TRAPPC12: variants seen among roughly 807,000 people sequenced by gnomAD.
The protein encoded by TRAPPC12 is trafficking protein particle complex subunit 12, also known as TPR repeat protein 15.
A neutral mutation model predicts 69.2 loss-of-function variants in TRAPPC12; 61 were observed. That is an observed-to-expected ratio of 0.88 (90% CI 0.72 to 1.09). The LOEUF (loss-of-function observed/expected upper bound fraction) is 1.09, where lower values mean the gene tolerates loss of function less well. Ranked by LOEUF, TRAPPC12 falls within the 50% of genes least tolerant of loss-of-function variation. The pLI is 0.00. For missense variants in TRAPPC12, 1,101 were observed against 1,016.4 expected (o/e 1.08, Z -1.13); for synonymous variants, 469 against 438.9 (o/e 1.07, Z -0.86).
chr2:3,443,721 G>A (rs763713695), intron 5 of TRAPPC12, 58 bp from the exon 6 acceptor site: 62 of 1,366,620 alleles, frequency 4.5e-5, no homozygotes, highest in Admixed American at 1.9e-4. Flanking sequence ...AGTGTGCCAA[G>A]TATGAATGCG....
At chr2:3,404,733 T>A (rs1363591889) in intron 3 of TRAPPC12, among the ~76,000 whole-genome samples, 3 of 151,984 alleles carry the variant, frequency 2.0e-5, no homozygotes, top group Non-Finnish European at 4.4e-5. Flanking sequence ...GTACACGGCG[T>A]CTTCTTGAGT....
At position 3,479,237 on chromosome 2, in the gene TRAPPC12, G is replaced by A. The variant is rs1209116401; in HGVS notation, c.1984G>A (p.Val662Met). 8.7e-6 allele frequency: 14 copies of A among 1,613,826 alleles called. No individual in the cohort carries two copies. Among genetic ancestry groups the A allele is most frequent in the Non-Finnish European group, 1.2e-5 (14 of 1,179,782 alleles). Residue 662 changes from valine to methionine, a missense_variant, in exon 12 of 12, where the codon GTG (valine) becomes ATG (methionine). Val to Met is a conservative substitution (Grantham distance 21). Coordinates refer to ENST00000324266, the MANE Select transcript of TRAPPC12 (RefSeq NM_016030.6). ...TCCCTAGGCCAACAACAACGCTGCC[G>A]TGTGTCTGCTCTACCTGGGCAAGCT... The part of the protein sequence containing the change: ...RNAVANNNAA[V>M]CLLYLGKLKD...
intron 6 of TRAPPC12, among the ~76,000 whole-genome samples, chr2:3,444,707 T>C (rs1293284032): frequency 1.3e-5 from 2 of 152,234 alleles, no homozygotes; most frequent in African/African-American, 2.4e-5. Context: ...ACTGTTGTGG[T>C]AGAAGTTTTG....
intron 1 of TRAPPC12, 111 bp from the exon 2 acceptor site, chr2:3,387,509 A>G: frequency 1.1e-6 from 1 of 898,394 alleles, no homozygotes; most frequent in Non-Finnish European, 1.7e-6. Flanking sequence ...CATGGATAAG[A>G]AGCTGGAGAA....
intron 6 of TRAPPC12, among the ~76,000 whole-genome samples, chr2:3,452,922 A>G (rs1476553260): frequency 1.3e-5 from 2 of 152,214 alleles, no homozygotes; most frequent in Non-Finnish European, 2.9e-5. Flanking sequence ...AAAATGCTTC[A>G]AGTACATTCT....
chr2:3,474,891 G>T (rs928296564), intron 9 of TRAPPC12, among the ~76,000 whole-genome samples: 1 of 152,098 alleles, frequency 6.6e-6, no homozygotes, highest in Admixed American at 6.6e-5. Flanking sequence ...TGTGCCTGAG[G>T]ATTTTTCTGT....
At chr2:3,458,315 G>C (rs919408546) in intron 7 of TRAPPC12, 2 of 986,638 alleles carry the variant, frequency 2.0e-6, no homozygotes, top group Non-Finnish European at 2.4e-6. Flanking sequence ...CTCCCTCCCA[G>C]GTAGCCCCAC....
intron 1 of TRAPPC12, among the ~76,000 whole-genome samples, chr2:3,381,688 G>T (rs1280320550): frequency 6.6e-6 from 1 of 152,208 alleles, no homozygotes; most frequent in Non-Finnish European, 1.5e-5. Context: ...ACACATGTGA[G>T]ATTTAAAGAT....
intron 3 of TRAPPC12, among the ~76,000 whole-genome samples, chr2:3,416,047 T>TA (rs767796419): frequency 6.6e-6 from 1 of 152,190 alleles, no homozygotes; most frequent in South Asian, 2.1e-4. Flanking sequence ...ATTTCTAACT[T>TA]ACTGTGGGTA....
At chr2:3,455,705 A>T (rs778167060) in intron 6 of TRAPPC12, 1 of 152,220 alleles carries the variant, frequency 6.6e-6, no homozygotes, top group Non-Finnish European at 1.5e-5. Context: ...ATGGCCGAAG[A>T]GTACTCCATC....
At chr2:3,458,063 AGAGG>A in intron 7 of TRAPPC12, 1 of 924,784 alleles carries the variant, frequency 1.1e-6, no homozygotes. Flanking sequence ...CGTCGGGGAC[AGAGG>A]CCTCTGCGTC....
intron 2 of TRAPPC12, among the ~76,000 whole-genome samples, chr2:3,392,284 C>T (rs1660870966): frequency 1.9e-5 from 2 of 106,596 alleles, no homozygotes; most frequent in Non-Finnish European, 3.8e-5. Flanking sequence ...CTGCCATGTC[C>T]CAGGCATCCT....
In TRAPPC12 at chr2:3,382,574, C is replaced by T. The variant is rs184038158; in HGVS notation, c.-5+2698C>T. Among the ~76,000 whole-genome samples the T allele has an allele frequency of 2.2e-4, 34 of 152,298 alleles. 1 individual carries two copies. The highest frequency in any genetic ancestry group is 1.2e-3 in the East Asian group (6 of 5,186). On this transcript the variant is annotated intron_variant, in intron 1 of 11. Coordinates refer to ENST00000324266, the MANE Select transcript of TRAPPC12 (RefSeq NM_016030.6). ...TGGAATTGCTAGGTCCTAGGTACTA[C>T]GACCACATATTTATTGTCTCAACCA...
At chr2:3,419,253 G>C (rs1243716144) in intron 3 of TRAPPC12, among the ~76,000 whole-genome samples, 1 of 152,244 alleles carries the variant, frequency 6.6e-6, no homozygotes. Flanking sequence ...CCTGGATACA[G>C]AATCTGCCTA....
chr2:3,417,323 G>C (rs1016623033), intron 3 of TRAPPC12, among the ~76,000 whole-genome samples: 6 of 152,002 alleles, frequency 3.9e-5, no homozygotes, highest in African/African-American at 9.7e-5. Flanking sequence ...GAGCAGCCAC[G>C]GCTCCCCCCA....
chr2:3,401,336 C>T (rs1452563499), intron 2 of TRAPPC12, among the ~76,000 whole-genome samples: 1 of 152,180 alleles, frequency 6.6e-6, no homozygotes, highest in African/African-American at 2.4e-5. Context: ...TTCAGGCCTG[C>T]CTGCACCAGC....
At chr2:3,420,778 C>T (rs2103052200) in intron 3 of TRAPPC12, among the ~76,000 whole-genome samples, 2 of 152,228 alleles carry the variant, frequency 1.3e-5, no homozygotes, top group South Asian at 4.2e-4. Context: ...TGTGTCCCGG[C>T]GTGGAGTGCA....
chr2:3,443,714 G>A (rs1226494596), intron 5 of TRAPPC12, 65 bp from the exon 6 acceptor site: 1 of 1,277,324 alleles, frequency 7.8e-7, no homozygotes, highest in Non-Finnish European at 1.1e-6. Context: ...TCCTTCAAGT[G>A]TGCCAAGTAT....
intron 9 of TRAPPC12, among the ~76,000 whole-genome samples, chr2:3,475,064 C>T (rs1209119154): frequency 6.6e-6 from 1 of 152,078 alleles, no homozygotes; most frequent in African/African-American, 2.4e-5. Flanking sequence ...TCTGTTTATG[C>T]TTCCTTTTTC....
Sources: allele counts gnomAD v4.1 joint callset (sites outside exome capture counted in the v4.1 genomes callset), GRCh38; gene constraint gnomAD v4.1.1; transcripts MANE v1.5; gene names NCBI Gene and HGNC (gene_info 2026-07-23, HGNC 2026-07-21).